CDH18: variants seen among roughly 807,000 people sequenced by gnomAD.
CDH18 encodes the protein cadherin-18.
CDH18 carries 31 observed loss-of-function variants against 67.9 expected under a neutral mutation model. The observed-to-expected ratio is 0.46, with a 90% CI of 0.34 to 0.62. The LOEUF is 0.62. Ranked by LOEUF, CDH18 falls within the 20% of genes least tolerant of loss-of-function variation. The pLI is 0.01. For missense variants in CDH18, 890 were observed against 975.5 expected (o/e 0.91, Z 1.17); for synonymous variants, 362 against 347.2 (o/e 1.04, Z -0.48).
At chr5:19,567,732 G>C (rs900096586) in intron 8 of CDH18, among the ~76,000 whole-genome samples, 1 of 152,110 alleles carries the variant, frequency 6.6e-6, no homozygotes, top group Non-Finnish European at 1.5e-5. Flanking sequence ...ATTCATTTTA[G>C]TTCTCTAACC....
intron 2 of CDH18, among the ~76,000 whole-genome samples, chr5:19,980,210 C>CA (rs1157944579): frequency 1.8e-5 from 2 of 109,646 alleles, no homozygotes; most frequent in African/African-American, 5.4e-5. Context: ...TTTACAACAG[C>CA]AAAAAACAAA....
chr5:19,498,163 G>C (rs1182485097), intron 11 of CDH18, among the ~76,000 whole-genome samples: 3 of 149,506 alleles, frequency 2.0e-5, no homozygotes, highest in Non-Finnish European at 4.4e-5. Flanking sequence ...CCCAATCTCT[G>C]TATCAGAGAG....
intron 2 of CDH18, among the ~76,000 whole-genome samples, chr5:19,895,756 C>T (rs756987032): frequency 5.3e-5 from 8 of 152,042 alleles, no homozygotes; most frequent in Non-Finnish European, 7.4e-5. Flanking sequence ...AAGCCAAACC[C>T]CAAAGGTTAC....
At chr5:20,302,746 C>G (rs11742336) in intron 1 of CDH18, among the ~76,000 whole-genome samples, 65,719 of 152,156 alleles carry the variant, frequency 0.43, 16,548 homozygotes, top group Middle Eastern at 0.65. Flanking sequence ...CACTGAAGAT[C>G]AGAACACACA....
intron 5 of CDH18, among the ~76,000 whole-genome samples, chr5:19,689,607 G>C (rs546517097): frequency 7.9e-5 from 12 of 151,826 alleles, no homozygotes; most frequent in African/African-American, 2.9e-4. Flanking sequence ...CACTGATAGA[G>C]TTTTAAACAT....
chr5:20,208,046 C>T (rs1382699903), intron 2 of CDH18, among the ~76,000 whole-genome samples: 1 of 152,038 alleles, frequency 6.6e-6, no homozygotes, highest in Non-Finnish European at 1.5e-5. Flanking sequence ...AACAAAGATA[C>T]CAACTGTATT....
chr5:20,501,526 T>TTA (rs1261057888), intron 1 of CDH18, among the ~76,000 whole-genome samples: 25 of 64,980 alleles, frequency 3.8e-4, no homozygotes, highest in Non-Finnish European at 5.9e-4. Context: ...TATATACATA[T>TTA]TATATATATT....
At chr5:19,619,992 T>C (rs1234576462) in intron 5 of CDH18, among the ~76,000 whole-genome samples, 1 of 152,158 alleles carries the variant, frequency 6.6e-6, no homozygotes, top group African/African-American at 2.4e-5. Context: ...TTTATTTTAC[T>C]TATAAAGAAA....
intron 2 of CDH18, among the ~76,000 whole-genome samples, chr5:20,226,899 C>T (rs7737969): frequency 0.53 from 80,896 of 151,736 alleles, 21,664 homozygotes; most frequent in Middle Eastern, 0.67. Flanking sequence ...TCTAAGAGCT[C>T]GAAATGACTA....
At chr5:20,145,380 C>T (rs1213631747) in intron 2 of CDH18, among the ~76,000 whole-genome samples, 2 of 152,122 alleles carry the variant, frequency 1.3e-5, no homozygotes, top group Non-Finnish European at 2.9e-5. Context: ...TGCATACTCA[C>T]CTGATAAACT....
intron 1 of CDH18, among the ~76,000 whole-genome samples, chr5:20,485,727 A>G (rs1385998268): frequency 4.6e-5 from 7 of 152,124 alleles, no homozygotes; most frequent in African/African-American, 1.2e-4. Context: ...TGCTTCCTCT[A>G]TAAGTGCATC....
At position 19,666,023 on chromosome 5, in the gene CDH18, A is replaced by T. The variant is rs1757867071; in HGVS notation, c.644-53422T>A. ...GTAGAATGTAACAATGACATTTAGC[A>T]GGACTAGAACAAGACACAAGTATTA... is the stretch of plus-strand genomic sequence containing the variant. On this transcript the variant is annotated intron_variant, in intron 5 of 12. Transcript: ENST00000382275. Among the ~76,000 whole-genome samples the T allele has an allele frequency of 3.9e-5, 6 of 151,946 alleles. No homozygotes were observed. In the Admixed American group the frequency reaches 4.0e-4, roughly 10 times the overall value.
chr5:20,013,841 T>C (rs940356090), intron 2 of CDH18, among the ~76,000 whole-genome samples: 1 of 152,154 alleles, frequency 6.6e-6, no homozygotes, highest in African/African-American at 2.4e-5. Flanking sequence ...TTGTTTGTTC[T>C]TTTTAATATC....
At chr5:20,442,452 C>T (rs1749676543) in intron 1 of CDH18, among the ~76,000 whole-genome samples, 1 of 151,784 alleles carries the variant, frequency 6.6e-6, no homozygotes, top group African/African-American at 2.4e-5. Context: ...ATCTGCATCT[C>T]AAACATGGAA....
chr5:20,238,405 C>T (rs1003670398), intron 2 of CDH18, among the ~76,000 whole-genome samples: 6 of 151,894 alleles, frequency 4.0e-5, no homozygotes, highest in Admixed American at 1.3e-4. Flanking sequence ...AGTACAAATT[C>T]GGGAATAATT....
chr5:19,953,701 GTTGA>G (rs1286012783), intron 2 of CDH18, among the ~76,000 whole-genome samples: 1 of 151,956 alleles, frequency 6.6e-6, no homozygotes, highest in Non-Finnish European at 1.5e-5. Flanking sequence ...ATTTAATGGT[GTTGA>G]TTATTTTGTG....
At chr5:19,687,805 A>T (rs968462578) in intron 5 of CDH18, among the ~76,000 whole-genome samples, 3 of 152,164 alleles carry the variant, frequency 2.0e-5, no homozygotes, top group African/African-American at 7.2e-5. Flanking sequence ...GTCACAACAC[A>T]TTCACACATT....
chr5:20,546,824 C>G (rs949101436), intron 1 of CDH18, among the ~76,000 whole-genome samples: 3 of 151,816 alleles, frequency 2.0e-5, no homozygotes, highest in Non-Finnish European at 4.4e-5. Context: ...GCCTTTCAAC[C>G]AAGCATACTG....
At chr5:20,436,652 A>G (rs953268807) in intron 1 of CDH18, among the ~76,000 whole-genome samples, 7 of 151,464 alleles carry the variant, frequency 4.6e-5, no homozygotes, top group African/African-American at 1.7e-4. Flanking sequence ...GAATACATAC[A>G]TATTTAGACC....
Sources: gnomAD v4.1 joint callset for allele counts (sites outside exome capture counted in the v4.1 genomes callset) on GRCh38, gnomAD v4.1.1 for gene constraint, MANE v1.5 for transcripts, NCBI Gene and HGNC (gene_info 2026-07-23, HGNC 2026-07-21) for gene names.